The following PSME4 variants were observed in gnomAD, a reference collection of about 807,000 sequenced individuals.
PSME4 encodes proteasome activator complex subunit 4.
Under a neutral mutation model 253.9 loss-of-function variants are expected in PSME4, and 89 were observed. The ratio of observed to expected loss-of-function variants is 0.35; its 90% confidence interval spans 0.30 to 0.42. PSME4 has a LOEUF of 0.42. Ranked by LOEUF, PSME4 falls within the 10% of genes least tolerant of loss-of-function variation. The pLI, the probability that PSME4 is intolerant of heterozygous loss-of-function variation, is 1.00. For synonymous variants in PSME4, 851 were observed against 759.2 expected (o/e 1.12, Z -1.99); for missense variants, 2,014 against 2,195.2 (o/e 0.92, Z 1.65).
chr2:53,936,264 C>G, intron 6 of PSME4, 103 bp from the exon 7 acceptor site: 3 of 1,505,244 alleles, frequency 2.0e-6, no homozygotes, highest in Non-Finnish European at 2.7e-6. Context: ...ATCATTAGTG[C>G]AATCTACTTA....
chr2:53,880,205 C>G (rs1220323083), intron 41 of PSME4, among the ~76,000 whole-genome samples: 1 of 152,156 alleles, frequency 6.6e-6, no homozygotes, highest in Non-Finnish European at 1.5e-5. Flanking sequence ...GCCCATCATC[C>G]TAGCACTTTG....
At chr2:53,948,369 C>G in intron 3 of PSME4, 52 bp downstream of exon 3, 1 of 1,101,794 alleles carries the variant, frequency 9.1e-7, no homozygotes, top group Non-Finnish European at 1.4e-6. Flanking sequence ...TGATCACCCC[C>G]CTAAAAAACC....
intron 8 of PSME4, among the ~76,000 whole-genome samples, chr2:53,934,069 T>C (rs1042366745): frequency 6.6e-6 from 1 of 152,206 alleles, no homozygotes; most frequent in Non-Finnish European, 1.5e-5. Flanking sequence ...ATAAACTAGA[T>C]AATTATAATA....
At position 53,952,161 on chromosome 2, in the gene PSME4, C is replaced by T. The variant is rs377065263; in HGVS notation, c.243-2878G>A. Among the ~76,000 whole-genome samples, 14 of 152,280 alleles carry T rather than the reference C, an allele frequency of 9.2e-5. No homozygotes were observed. The East Asian group carries it at 1.4e-3, about 15-fold the overall frequency. On this transcript the variant is annotated intron_variant, in intron 1 of 46. Coordinates refer to ENST00000404125, the MANE Select transcript of PSME4 (RefSeq NM_014614.3). ...GTCAATATTCCAGATACCAGCCAGGCGTGGTGGCTCATGCCTGTAATCCCA... is the reference window on the plus strand; with the variant it reads ...GTCAATATTCCAGATACCAGCCAGGTGTGGTGGCTCATGCCTGTAATCCCA...
At chr2:53,926,345 C>T (rs1203708817) in intron 12 of PSME4, among the ~76,000 whole-genome samples, 3 of 152,156 alleles carry the variant, frequency 2.0e-5, no homozygotes, top group African/African-American at 7.2e-5. Flanking sequence ...ACCTGAATGT[C>T]CAGAAAAATA....
chr2:53,901,001 G>A (rs946225856), intron 28 of PSME4, among the ~76,000 whole-genome samples: 14 of 152,096 alleles, frequency 9.2e-5, no homozygotes, highest in African/African-American at 3.4e-4. Context: ...CCCAGTAGTC[G>A]ATCTTTTGCG....
At chr2:53,957,415 G>A (rs553503803) in intron 1 of PSME4, among the ~76,000 whole-genome samples, 1 of 152,266 alleles carries the variant, frequency 6.6e-6, no homozygotes, top group East Asian at 1.9e-4. Context: ...CCATTGGGGG[G>A]TGATGGGAGA....
At chr2:53,927,855 G>A (rs1166983169) in intron 11 of PSME4, among the ~76,000 whole-genome samples, 1 of 152,144 alleles carries the variant, frequency 6.6e-6, no homozygotes, top group Non-Finnish European at 1.5e-5. Flanking sequence ...GCTGAGGCAG[G>A]AGAATTGCTG....
rs774179033 is a variant in PSME4, at chr2:53,923,072, C to G, written c.1955G>C (p.Ser652Thr). 1 of 1,605,044 alleles carries G rather than the reference C, an allele frequency of 6.2e-7. No individual in the cohort carries two copies. The highest frequency in any genetic ancestry group is 1.3e-5 in the African/African-American group (1 of 74,758). ...ACTCATTGTAAGCTGAGTTATAACA[C>G]TGCAGCAGTGGGGAACAAAGAGCTT... Reference protein sequence around the residue: ...SLKLFVPHCCSVITQLTMNDD... With the variant: ...SLKLFVPHCCTVITQLTMNDD... Residue 652 changes from serine (S) to threonine (T), a missense_variant, in exon 16 of 47, where the codon AGT (serine) becomes ACT (threonine). Physicochemically the swap from Ser to Thr is moderately conservative, Grantham distance 58 (BLOSUM62 1). This residue lies in a region of PSME4 where 989 missense variants were observed against 1,021.1 expected (regional missense o/e 0.97). Coordinates refer to ENST00000404125, the MANE Select transcript of PSME4 (RefSeq NM_014614.3).
chr2:53,875,512 TA>T, intron 42 of PSME4, 114 bp downstream of exon 42: 1 of 1,038,548 alleles, frequency 9.6e-7, no homozygotes, highest in Non-Finnish European at 1.4e-6. Flanking sequence ...TCTCTTATAC[TA>T]AAAGAAAATT....
At chr2:53,882,933 T>C (rs2104419878) in intron 41 of PSME4, among the ~76,000 whole-genome samples, 1 of 151,264 alleles carries the variant, frequency 6.6e-6, no homozygotes, top group East Asian at 2.0e-4. Context: ...TAAATATAAA[T>C]AAAACTATGA....
At chr2:53,949,081 C>T in intron 2 of PSME4, 62 bp downstream of exon 2, 1 of 1,464,216 alleles carries the variant, frequency 6.8e-7, no homozygotes, top group Non-Finnish European at 9.1e-7. Flanking sequence ...ACTTAGTCCT[C>T]ATTCCCTAAA....
At chr2:53,916,816 C>G (rs1668082746) in intron 20 of PSME4, among the ~76,000 whole-genome samples, 1 of 152,032 alleles carries the variant, frequency 6.6e-6, no homozygotes, top group Non-Finnish European at 1.5e-5. Context: ...AAAGTTTCAG[C>G]TGAAGGTAAT....
chr2:53,904,796 C>T (rs1455811888), intron 26 of PSME4, among the ~76,000 whole-genome samples: 3 of 151,840 alleles, frequency 2.0e-5, no homozygotes, highest in African/African-American at 7.2e-5. Flanking sequence ...AGAGACCAGC[C>T]TGGCCAACAT....
Position 53,876,716 on chromosome 2 carries a change from CTTT to C in PSME4, c.4816-964_4816-962del, listed in dbSNP as rs10599430. Among the ~76,000 whole-genome samples the C allele has an allele frequency of 7.8e-3, 763 of 97,830 alleles. 11 individuals carry two copies. Among genetic ancestry groups the C allele is most frequent in the African/African-American group, 0.027 (711 of 25,984 alleles). 64.2% of individuals were successfully genotyped at this position (97,830 alleles called of 152,430 possible). A position where few individuals can be genotyped will look rare whatever the true frequency, so the allele number is the denominator to read the frequency against. On this transcript the variant is annotated intron_variant, in intron 41 of 46. Transcript: ENST00000404125. ...TCTGATGGCTGTAGCCACTGTCATT[CTTT>C]TTTTTTTTTTTTTTTTTGAGACAGG...
intron 12 of PSME4, among the ~76,000 whole-genome samples, chr2:53,926,721 C>T (rs1267765619): frequency 1.3e-5 from 2 of 151,456 alleles, no homozygotes; most frequent in African/African-American, 4.9e-5. Context: ...CATCTGTAAT[C>T]TCAGCATTTG....
chr2:53,925,870 T>C, intron 13 of PSME4, 89 bp downstream of exon 13: 1 of 1,398,194 alleles, frequency 7.2e-7, no homozygotes, highest in Non-Finnish European at 1.0e-6. Flanking sequence ...TAAATAAAGG[T>C]TATAATGCAG....
intron 20 of PSME4, among the ~76,000 whole-genome samples, chr2:53,914,191 A>G (rs1667955275): frequency 6.6e-6 from 1 of 152,148 alleles, no homozygotes; most frequent in South Asian, 2.1e-4. Context: ...TGTTTTTTAG[A>G]TGTTAGTTTT....
intron 9 of PSME4, among the ~76,000 whole-genome samples, 189 bp from the exon 10 acceptor site, chr2:53,932,289 A>G (rs1033617244): frequency 6.6e-6 from 1 of 152,188 alleles, no homozygotes; most frequent in Non-Finnish European, 1.5e-5. Flanking sequence ...AATTAATGAA[A>G]ATGAGTTTCA....
Sources: gnomAD v4.1 joint callset for allele counts (sites outside exome capture counted in the v4.1 genomes callset) on GRCh38, gnomAD v4.1.1 for gene constraint, gnomAD v4.1.1 regional missense constraint, MANE v1.5 for transcripts, NCBI Gene and HGNC (gene_info 2026-07-23, HGNC 2026-07-21) for gene names.